TMC1: variants seen among roughly 807,000 people sequenced by gnomAD.
The protein encoded by TMC1 is transmembrane channel like 1.
TMC1 carries 84 observed loss-of-function variants against 105.8 expected under a neutral mutation model. The ratio of observed to expected loss-of-function variants is 0.79; its 90% CI spans 0.67 to 0.95. TMC1 has a LOEUF of 0.95. Ranked by LOEUF, TMC1 falls within the 40% of genes least tolerant of loss-of-function variation. The probability of loss-of-function intolerance (pLI) is 0.00; values close to 1 mark genes in which losing one functional copy is unlikely to be tolerated. For synonymous variants in TMC1, 315 were observed against 311.5 expected (o/e 1.01, Z -0.12); for missense variants, 817 against 914.1 (o/e 0.89, Z 1.37).
At chr9:72,774,293 AAT>A (rs1319771290) in intron 13 of TMC1, among the ~76,000 whole-genome samples, 1 of 152,234 alleles carries the variant, frequency 6.6e-6, no homozygotes, top group African/African-American at 2.4e-5. Context: ...TCATTAAATA[AAT>A]AGACAGGTAC....
intron 8 of TMC1, among the ~76,000 whole-genome samples, chr9:72,712,043 T>C (rs942114432): frequency 2.0e-5 from 3 of 152,218 alleles, no homozygotes; most frequent in African/African-American, 4.8e-5. Context: ...CCCCATTGTT[T>C]GTTTTTGTCA....
Position 72,648,679 on chromosome 9 carries a change from A to T in TMC1, c.16+15A>T. On this transcript the variant is annotated intron_variant, in intron 5 of 23. Coordinates refer to ENST00000297784, the MANE Select transcript of TMC1 (RefSeq NM_138691.3). ...ACCCAAAAAAGGTATTTACAAAATC[A>T]AGACTGTCTGTAGGACACTATGTCT... 6.2e-7 allele frequency: 1 copy of T among 1,608,894 alleles called. No individual in the cohort carries two copies.
At chr9:72,737,509 G>A (rs538988270) in intron 8 of TMC1, among the ~76,000 whole-genome samples, 1 of 152,294 alleles carries the variant, frequency 6.6e-6, no homozygotes, top group East Asian at 1.9e-4. Context: ...CTAGGTCTGT[G>A]TGAGTCTGAG....
At chr9:72,532,547 A>C (rs1823516064) in intron 1 of TMC1, among the ~76,000 whole-genome samples, 1 of 14,694 alleles carries the variant, frequency 6.8e-5, no homozygotes, top group South Asian at 1.6e-3. Context: ...GTCTCAAAAA[A>C]AAAAAAAAAA....
chr9:72,547,050 G>T (rs946743848), intron 1 of TMC1, among the ~76,000 whole-genome samples: 1 of 152,250 alleles, frequency 6.6e-6, no homozygotes, highest in South Asian at 2.1e-4. Flanking sequence ...ACCTTGGGAG[G>T]CCAAGGCAAG....
intron 8 of TMC1, among the ~76,000 whole-genome samples, chr9:72,720,263 A>G (rs975564949): frequency 1.3e-5 from 2 of 152,212 alleles, no homozygotes; most frequent in Non-Finnish European, 2.9e-5. Context: ...CTCTAAGTAC[A>G]CTACCAAGCA....
intron 1 of TMC1, among the ~76,000 whole-genome samples, chr9:72,537,950 G>T (rs1008093213): frequency 2.0e-5 from 3 of 152,010 alleles, no homozygotes; most frequent in African/African-American, 4.8e-5. Context: ...TGGGCAATCT[G>T]TTTGAGATCA....
At chr9:72,713,937 C>A (rs11507246) in intron 8 of TMC1, among the ~76,000 whole-genome samples, 34,458 of 151,734 alleles carry the variant, frequency 0.23, 4,194 homozygotes, top group East Asian at 0.38. Flanking sequence ...ATACTGCTTT[C>A]AATGTGTCCC....
chr9:72,796,743 A>G (rs1174834844), intron 17 of TMC1, among the ~76,000 whole-genome samples: 1 of 152,186 alleles, frequency 6.6e-6, no homozygotes, highest in Non-Finnish European at 1.5e-5. Context: ...AGAGCCTTCT[A>G]TGACAAACCC....
At chr9:72,680,425 G>A (rs539394489) in intron 5 of TMC1, among the ~76,000 whole-genome samples, 3 of 151,940 alleles carry the variant, frequency 2.0e-5, no homozygotes, top group South Asian at 2.1e-4. Context: ...TCATATTCCC[G>A]GTTAGGTAGC....
At chr9:72,629,876 A>AT (rs1374800949) in intron 4 of TMC1, among the ~76,000 whole-genome samples, 1 of 151,518 alleles carries the variant, frequency 6.6e-6, no homozygotes, top group East Asian at 1.9e-4. Context: ...TTTATTTTTT[A>AT]TTTTTTTGAG....
intron 12 of TMC1, among the ~76,000 whole-genome samples, chr9:72,764,957 G>A (rs1019533503): frequency 1.3e-5 from 2 of 152,110 alleles, no homozygotes; most frequent in Admixed American, 6.5e-5. Context: ...TTCAGTGTCC[G>A]GGTTAACTGG....
At chr9:72,748,147 A>G (rs1012351892) in intron 10 of TMC1, among the ~76,000 whole-genome samples, 6 of 152,166 alleles carry the variant, frequency 3.9e-5, no homozygotes, top group African/African-American at 1.4e-4. Context: ...TGGTTAAGAG[A>G]GATCTAGATT....
intron 13 of TMC1, 59 bp from the exon 14 acceptor site, chr9:72,788,280 T>G (rs936746450): frequency 1.3e-6 from 2 of 1,595,920 alleles, no homozygotes; most frequent in Non-Finnish European, 1.7e-6. Flanking sequence ...TCATGTTTTG[T>G]TGCTATTTCC....
intron 12 of TMC1, among the ~76,000 whole-genome samples, chr9:72,768,412 G>A (rs1444724639): frequency 6.6e-6 from 1 of 152,096 alleles, no homozygotes; most frequent in African/African-American, 2.4e-5. Flanking sequence ...CATGGCATAT[G>A]TATACCTATG....
intron 23 of TMC1, among the ~76,000 whole-genome samples, chr9:72,830,924 G>A (rs1588106320): frequency 1.3e-5 from 2 of 152,030 alleles, no homozygotes; most frequent in African/African-American, 2.4e-5. Context: ...AAACTTGGCA[G>A]TAGTGATTTT....
At chr9:72,779,294 A>G (rs780343219) in intron 13 of TMC1, among the ~76,000 whole-genome samples, 1 of 152,216 alleles carries the variant, frequency 6.6e-6, no homozygotes, top group Non-Finnish European at 1.5e-5. Flanking sequence ...GATTAAAGAA[A>G]CATCAGCTCA....
intron 17 of TMC1, among the ~76,000 whole-genome samples, chr9:72,796,566 A>G (rs191162439): frequency 1.2e-3 from 179 of 152,340 alleles, no homozygotes; most frequent in African/African-American, 4.0e-3. Context: ...GGTTAGTTCA[A>G]CATATGCAAA....
chr9:72,669,749 A>G (rs1826100072), intron 5 of TMC1, among the ~76,000 whole-genome samples: 1 of 152,128 alleles, frequency 6.6e-6, no homozygotes. Flanking sequence ...CCTCTAGAAT[A>G]GTTAGCACAA....
Sources: gnomAD v4.1 joint callset for allele counts (sites outside exome capture counted in the v4.1 genomes callset) on GRCh38, gnomAD v4.1.1 for gene constraint, MANE v1.5 for transcripts, NCBI Gene and HGNC (gene_info 2026-07-23, HGNC 2026-07-21) for gene names.